RBFOX1: variants seen among roughly 807,000 people sequenced by gnomAD.
RBFOX1 encodes the protein RNA binding protein fox-1 homolog 1.
A neutral mutation model predicts 57.7 loss-of-function variants in RBFOX1; 8 were observed. The ratio of observed to expected loss-of-function variants is 0.14; its 90% CI spans 0.08 to 0.25. The LOEUF (loss-of-function observed/expected upper bound fraction) is 0.25. Ranked by LOEUF, RBFOX1 falls within the 10% of genes least tolerant of loss-of-function variation. The pLI is 1.00. For synonymous variants in RBFOX1, 326 were observed against 222.4 expected, an observed-to-expected ratio of 1.47 and a Z score of -4.15; for missense variants, 611 against 548.5, an observed-to-expected ratio of 1.11 and a Z score of -1.14.
chr16:6,152,586 C>T (rs549536792), intron 1 of RBFOX1, among the ~76,000 whole-genome samples: 4 of 152,162 alleles, frequency 2.6e-5, no homozygotes, highest in Non-Finnish European at 5.9e-5. Flanking sequence ...AGAAATTGTT[C>T]CCTGTGGCAG....
chr16:6,875,899 G>A (rs748396845), intron 3 of RBFOX1, among the ~76,000 whole-genome samples: 1 of 152,184 alleles, frequency 6.6e-6, no homozygotes. Flanking sequence ...TTGAAGGGCT[G>A]AGGTGGGAGG....
intron 4 of RBFOX1, among the ~76,000 whole-genome samples, chr16:7,410,396 C>T (rs1287617607): frequency 2.0e-5 from 3 of 152,204 alleles, no homozygotes; most frequent in Admixed American, 2.0e-4. Context: ...AAGACTGCAG[C>T]CTCGGCTGAG....
At chr16:5,273,776 A>G (rs928228881) in intron 1 of RBFOX1, among the ~76,000 whole-genome samples, 6 of 152,150 alleles carry the variant, frequency 3.9e-5, no homozygotes, top group African/African-American at 9.7e-5. Flanking sequence ...AAAAAGGCTG[A>G]TGGATCATGA....
In RBFOX1 at chr16:6,899,934, A is replaced by T. The variant is rs1254677823; in HGVS notation, c.-15-152123A>T. ...TGTTCTGACCATAACCATTTGAACT[A>T]TGTTTAGTCTTAATAGCTGGGTGGC... On this transcript the variant is annotated intron_variant, in intron 3 of 15. Transcript: ENST00000550418. Among the ~76,000 whole-genome samples the T allele has an allele frequency of 2.0e-5, 3 of 152,166 alleles. No individual in the cohort carries two copies. In the East Asian group the frequency reaches 5.8e-4, roughly 29 times the overall value.
intron 3 of RBFOX1, among the ~76,000 whole-genome samples, chr16:6,817,228 A>T (rs1249125038): frequency 6.6e-6 from 1 of 152,148 alleles, no homozygotes; most frequent in South Asian, 2.1e-4. Flanking sequence ...TGTTGCAGAG[A>T]TTTTAAAGTG....
chr16:6,772,417 C>T (rs112514329), intron 3 of RBFOX1, among the ~76,000 whole-genome samples: 1,626 of 145,286 alleles, frequency 0.011, 36 homozygotes, highest in African/African-American at 0.042. Flanking sequence ...TTTGTGTGTG[C>T]GCACGTGCGT....
chr16:7,207,023 C>G (rs79596218), intron 4 of RBFOX1, among the ~76,000 whole-genome samples: 4,979 of 152,232 alleles, frequency 0.033, 116 homozygotes, highest in South Asian at 0.091. Context: ...CAATGCCATG[C>G]TTCATCCTGG....
At chr16:5,384,778 C>T (rs949432212) in intron 1 of RBFOX1, among the ~76,000 whole-genome samples, 1 of 152,196 alleles carries the variant, frequency 6.6e-6, no homozygotes, top group African/African-American at 2.4e-5. Context: ...GCCAGCTACT[C>T]ACTAGCTGCG....
Position 7,436,975 on chromosome 16 carries a change from G to A in RBFOX1, c.28-81172G>A, listed in dbSNP as rs141263437. On this transcript the variant is annotated intron_variant, in intron 4 of 15. Coordinates refer to ENST00000550418, the MANE Select transcript of RBFOX1 (RefSeq NM_018723.4). ...ACGCGCCTGTAATCCGAGCTACTCA[G>A]GAAGCTGAGGTAGGAGAATCTCTTA... Among the ~76,000 whole-genome samples the A allele has an allele frequency of 7.4e-3, 1,128 of 152,266 alleles. 63 individuals are homozygous for A. Among genetic ancestry groups the A allele is most frequent in the Admixed American group, 0.069 (1,060 of 15,290 alleles).
At chr16:5,308,586 T>C (rs192343451) in intron 1 of RBFOX1, among the ~76,000 whole-genome samples, 19 of 152,298 alleles carry the variant, frequency 1.2e-4, no homozygotes, top group South Asian at 6.2e-4. Flanking sequence ...CAACAAATTG[T>C]TATTTTGACT....
chr16:6,671,944 A>G (rs1429805034), intron 3 of RBFOX1, among the ~76,000 whole-genome samples: 1 of 152,238 alleles, frequency 6.6e-6, no homozygotes, highest in Non-Finnish European at 1.5e-5. Context: ...TACTAAGTAG[A>G]TAGGATGATA....
intron 3 of RBFOX1, among the ~76,000 whole-genome samples, chr16:5,609,571 G>C (rs1223967633): frequency 6.6e-6 from 1 of 152,206 alleles, no homozygotes; most frequent in African/African-American, 2.4e-5. Context: ...GTCAGCGAAG[G>C]TTGACCCAGC....
chr16:6,270,784 C>G (rs959932350), intron 1 of RBFOX1, among the ~76,000 whole-genome samples: 1 of 152,112 alleles, frequency 6.6e-6, no homozygotes, highest in Non-Finnish European at 1.5e-5. Flanking sequence ...TTTTTCATGT[C>G]CATGGGAGAT....
At chr16:6,811,505 T>G (rs892563650) in intron 3 of RBFOX1, among the ~76,000 whole-genome samples, 2 of 152,222 alleles carry the variant, frequency 1.3e-5, no homozygotes, top group African/African-American at 4.8e-5. Flanking sequence ...TTTAAGTGAT[T>G]ATGTAGCTAG....
At chr16:6,980,270 T>C (rs960747563) in intron 3 of RBFOX1, among the ~76,000 whole-genome samples, 5 of 152,190 alleles carry the variant, frequency 3.3e-5, no homozygotes, top group African/African-American at 1.2e-4. Flanking sequence ...GTGTCAGGTG[T>C]GAGTGTGTGC....
chr16:7,623,807 T>G (rs987214982), intron 10 of RBFOX1, among the ~76,000 whole-genome samples: 3 of 152,196 alleles, frequency 2.0e-5, no homozygotes, highest in African/African-American at 7.2e-5. Flanking sequence ...CAGATGACCA[T>G]CTTTTCTCTG....
At chr16:7,198,754 C>T (rs1332424658) in intron 4 of RBFOX1, among the ~76,000 whole-genome samples, 4 of 152,194 alleles carry the variant, frequency 2.6e-5, no homozygotes, top group African/African-American at 9.6e-5. Flanking sequence ...GTGGAGTTCT[C>T]GTAATCTAAT....
intron 4 of RBFOX1, among the ~76,000 whole-genome samples, chr16:5,891,854 G>T (rs778365277): frequency 3.9e-5 from 6 of 152,282 alleles, no homozygotes; most frequent in East Asian, 1.9e-4. Flanking sequence ...CCTCCATCCT[G>T]TTCTGAGGGA....
intron 3 of RBFOX1, among the ~76,000 whole-genome samples, chr16:7,049,296 A>G (rs1225809669): frequency 2.0e-5 from 3 of 152,164 alleles, no homozygotes; most frequent in Admixed American, 6.5e-5. Context: ...AAGAAAAGCA[A>G]TGGGAGGTGG....
Sources: allele counts gnomAD v4.1 joint callset (sites outside exome capture counted in the v4.1 genomes callset), GRCh38; gene constraint gnomAD v4.1.1; transcripts MANE v1.5; gene names NCBI Gene and HGNC (gene_info 2026-07-23, HGNC 2026-07-21).